R3HDM1: variants seen among roughly 807,000 people sequenced by gnomAD.
The protein encoded by R3HDM1 is R3H domain containing 1.
A neutral mutation model predicts 141.1 loss-of-function variants in R3HDM1; 46 were observed. The observed-to-expected ratio is 0.33, with a 90% CI of 0.26 to 0.42. The LOEUF (loss-of-function observed/expected upper bound fraction) is 0.42, where lower values mean the gene tolerates loss of function less well. Among genes scored for constraint, R3HDM1 ranks in the 10% least tolerant of loss-of-function variants. The probability of loss-of-function intolerance (pLI) is 1.00; values close to 1 mark genes in which losing one functional copy is unlikely to be tolerated. For missense variants in R3HDM1, 1,184 were observed against 1,368.3 expected, an observed-to-expected ratio of 0.87 and a Z score of 2.12; for synonymous variants, 435 against 472.9, an observed-to-expected ratio of 0.92 and a Z score of 1.04.
intron 1 of R3HDM1, among the ~76,000 whole-genome samples, chr2:135,585,769 T>A (rs762089263): frequency 1.6e-4 from 24 of 152,344 alleles, no homozygotes; most frequent in Middle Eastern, 3.4e-3. Flanking sequence ...CGGATCACAG[T>A]TCTATTGCTA....
intron 19 of R3HDM1, among the ~76,000 whole-genome samples, chr2:135,662,619 A>G (rs1422210790): frequency 1.3e-5 from 2 of 152,256 alleles, no homozygotes; most frequent in African/African-American, 4.8e-5. Flanking sequence ...TAGCCAAGTT[A>G]GAATTTTAGT....
intron 19 of R3HDM1, chr2:135,670,546 A>G: frequency 2.8e-6 from 1 of 356,784 alleles, no homozygotes; most frequent in Middle Eastern, 1.4e-3. Flanking sequence ...TGTGTCATAT[A>G]ACCCCATTTC....
intron 17 of R3HDM1, chr2:135,650,858 A>G (rs1254125909): frequency 5.1e-6 from 5 of 985,278 alleles, no homozygotes; most frequent in Non-Finnish European, 3.6e-6. Flanking sequence ...CAATTGCCAC[A>G]ATTTTGTAAG....
At chr2:135,662,336 C>T (rs1189066199) in intron 19 of R3HDM1, among the ~76,000 whole-genome samples, 1 of 152,216 alleles carries the variant, frequency 6.6e-6, no homozygotes. Flanking sequence ...TTAGGAGAAG[C>T]ATCTCTGCAC....
intron 23 of R3HDM1, among the ~76,000 whole-genome samples, chr2:135,714,941 T>C (rs1030097168): frequency 1.3e-5 from 2 of 152,252 alleles, no homozygotes; most frequent in African/African-American, 4.8e-5. Context: ...ATGTATTCTC[T>C]CATGCAAAAG....
intron 1 of R3HDM1, among the ~76,000 whole-genome samples, chr2:135,594,072 C>T (rs1267177967): frequency 6.6e-6 from 1 of 152,196 alleles, no homozygotes; most frequent in Admixed American, 6.5e-5. Flanking sequence ...AGAAGTTAGG[C>T]AAGCCATTCA....
In R3HDM1 at chr2:135,722,454, T is replaced by A; in HGVS notation, c.2965-15T>A. ...CATTATTAACGTTGTTTCTCAACTA[T>A]TTGTGGGTTTTCAGGGTCAGCCTGG... On this transcript the variant is annotated splice_polypyrimidine_tract_variant and intron_variant, in intron 25 of 26. Coordinates refer to ENST00000683871, the MANE Select transcript of R3HDM1 (RefSeq NM_001378107.1). 1 of 1,612,858 alleles carries A rather than the reference T, an allele frequency of 6.2e-7. No homozygotes were observed. The highest frequency in any genetic ancestry group is 2.2e-5 in the East Asian group (1 of 44,880).
At chr2:135,698,797 C>T (rs2073682601) in intron 21 of R3HDM1, among the ~76,000 whole-genome samples, 1 of 152,032 alleles carries the variant, frequency 6.6e-6, no homozygotes. Context: ...GGGAGCACCA[C>T]ACACTTTTTA....
intron 7 of R3HDM1, among the ~76,000 whole-genome samples, chr2:135,630,209 G>A (rs988307551): frequency 2.0e-5 from 3 of 147,472 alleles, no homozygotes; most frequent in South Asian, 4.3e-4. Context: ...CCTGAGAGGC[G>A]GAGGTAGTAG....
At chr2:135,583,772 A>G in intron 1 of R3HDM1, 1 of 985,494 alleles carries the variant, frequency 1.0e-6, no homozygotes, top group Non-Finnish European at 1.2e-6. Context: ...ATCTTTAAAA[A>G]GTTCCGCAAG....
intron 24 of R3HDM1, among the ~76,000 whole-genome samples, chr2:135,717,054 T>C (rs2076231593): frequency 6.6e-6 from 1 of 152,192 alleles, no homozygotes; most frequent in Non-Finnish European, 1.5e-5. Context: ...TGAAGTAGTA[T>C]GCAGATGTCT....
At chr2:135,547,899 G>A (rs1396479788) in intron 1 of R3HDM1, among the ~76,000 whole-genome samples, 5 of 149,788 alleles carry the variant, frequency 3.3e-5, no homozygotes, top group East Asian at 2.0e-4. Flanking sequence ...TCAGCCTCCC[G>A]AGTAGCTGGG....
At chr2:135,605,898 G>A (rs535290493) in intron 3 of R3HDM1, 2 of 152,306 alleles carry the variant, frequency 1.3e-5, no homozygotes, top group East Asian at 3.9e-4. Context: ...TGCCTAGGCT[G>A]TTCTAGAACT....
intron 3 of R3HDM1, among the ~76,000 whole-genome samples, chr2:135,614,746 C>G (rs969543880): frequency 1.2e-4 from 18 of 151,978 alleles, no homozygotes; most frequent in African/African-American, 4.3e-4. Context: ...AATTATTTTC[C>G]CTTCTGCTTC....
rs946981534 is a variant in R3HDM1, at chr2:135,678,273, C to A, written c.2308-1900C>A. Among the ~76,000 whole-genome samples, 8 of 151,788 alleles carry A rather than the reference C, an allele frequency of 5.3e-5. No homozygotes were observed. The South Asian group carries it at 1.7e-3, about 32-fold the overall frequency. ...GCCACTGCACCCAGTCAGTCATTAC[C>A]TTTTAAATCATAGAGCCAGGTATAG... On this transcript the variant is annotated intron_variant, in intron 20 of 26. Transcript: ENST00000683871.
chr2:135,556,948 T>C (rs1427257637), intron 1 of R3HDM1, among the ~76,000 whole-genome samples: 1 of 152,258 alleles, frequency 6.6e-6, no homozygotes, highest in East Asian at 1.9e-4. Context: ...CATATTGCTC[T>C]AGCATCCTTT....
chr2:135,656,824 T>A (rs1255056182), intron 18 of R3HDM1, among the ~76,000 whole-genome samples: 1 of 152,192 alleles, frequency 6.6e-6, no homozygotes, highest in Non-Finnish European at 1.5e-5. Flanking sequence ...CCGGGCACAG[T>A]GGCTCACGCC....
chr2:135,620,514 C>G (rs977745456), intron 5 of R3HDM1: 15 of 984,094 alleles, frequency 1.5e-5, no homozygotes, highest in Non-Finnish European at 3.6e-6. Context: ...ATTATGAACA[C>G]AAATTTTAAC....
chr2:135,577,165 C>T, intron 1 of R3HDM1: 1 of 982,616 alleles, frequency 1.0e-6, no homozygotes, highest in Non-Finnish European at 1.2e-6. Flanking sequence ...GGCTTTTGGG[C>T]TATGACTCAA....
Sources: gnomAD v4.1 joint callset for allele counts (sites outside exome capture counted in the v4.1 genomes callset) on GRCh38, gnomAD v4.1.1 for gene constraint, MANE v1.5 for transcripts, NCBI Gene and HGNC (gene_info 2026-07-23, HGNC 2026-07-21) for gene names.